Variants in FER observed in about 807,000 individuals in gnomAD.
The protein encoded by FER is tyrosine-protein kinase Fer.
A neutral mutation model predicts 111.0 loss-of-function variants in FER; 63 were observed. The observed-to-expected ratio is 0.57, with a 90% CI of 0.46 to 0.70. FER has a LOEUF of 0.70. Among genes scored for constraint, FER ranks in the 30% least tolerant of loss-of-function variants. The probability of loss-of-function intolerance (pLI) is 0.00; values close to 1 mark genes in which losing one functional copy is unlikely to be tolerated. For missense variants in FER, 914 were observed against 954.0 expected (o/e 0.96, Z 0.55); for synonymous variants, 327 against 313.9 (o/e 1.04, Z -0.44).
intron 5 of FER, among the ~76,000 whole-genome samples, chr5:108,840,540 C>A (rs1486525571): frequency 6.8e-6 from 1 of 147,684 alleles, no homozygotes; most frequent in Non-Finnish European, 1.5e-5. Flanking sequence ...TTTTTTTTTT[C>A]TGGAGTCCAG....
chr5:109,021,939 G>T (rs547335164), intron 13 of FER, among the ~76,000 whole-genome samples: 1 of 152,184 alleles, frequency 6.6e-6, no homozygotes, highest in East Asian at 1.9e-4. Flanking sequence ...AGAGGGAGAA[G>T]ATAGAGAAAG....
intron 10 of FER, among the ~76,000 whole-genome samples, chr5:108,907,722 A>G (rs1750992106): frequency 6.6e-6 from 1 of 152,194 alleles, no homozygotes; most frequent in African/African-American, 2.4e-5. Context: ...GATTAACAAG[A>G]AAACATCAGA....
intron 14 of FER, among the ~76,000 whole-genome samples, chr5:109,038,163 T>C (rs1770657130): frequency 6.6e-6 from 1 of 152,072 alleles, no homozygotes; most frequent in East Asian, 1.9e-4. Flanking sequence ...ATTTGAAAAT[T>C]TATTAATAAC....
At chr5:108,811,229 C>A (rs1478971869) in intron 3 of FER, among the ~76,000 whole-genome samples, 1 of 151,994 alleles carries the variant, frequency 6.6e-6, no homozygotes, top group African/African-American at 2.4e-5. Context: ...TGGGGCAGGT[C>A]ATGCTGCTGA....
chr5:108,755,558 T>C (rs1309392608), intron 1 of FER, among the ~76,000 whole-genome samples: 1 of 152,114 alleles, frequency 6.6e-6, no homozygotes, highest in African/African-American at 2.4e-5. Flanking sequence ...CAATCTCGGC[T>C]CACCGCAACC....
rs568117100 is a variant in FER at position 109,133,790 on chromosome 5, C to G, written c.2048+33271C>G. On this transcript the variant is annotated intron_variant, in intron 17 of 19. Coordinates refer to ENST00000281092, the MANE Select transcript of FER (RefSeq NM_005246.4). ...AGTTTCTCTTTAGTGTCTGCCATTT[C>G]CAGCATTCTTTTAAAGCCTATAAAC... 6.3e-4 allele frequency among the ~76,000 whole-genome samples: 96 copies of G among 151,954 alleles called. 2 individuals are homozygous for G. The highest frequency in any genetic ancestry group is 2.1e-3 in the African/African-American group (86 of 41,450).
intron 9 of FER, among the ~76,000 whole-genome samples, chr5:108,889,625 T>G (rs981734764): frequency 1.3e-5 from 2 of 151,914 alleles, no homozygotes; most frequent in African/African-American, 4.8e-5. Context: ...CTGTAGTCAA[T>G]AATAATTTAA....
intron 13 of FER, among the ~76,000 whole-genome samples, chr5:109,011,212 C>T (rs1208186703): frequency 7.2e-5 from 11 of 151,776 alleles, no homozygotes; most frequent in Admixed American, 7.2e-4. Flanking sequence ...TCTTCTAAGA[C>T]TTAAAAAGTG....
At chr5:109,180,982 G>A (rs1409093740) in intron 18 of FER, 81 bp downstream of exon 18, 8 of 1,173,542 alleles carry the variant, frequency 6.8e-6, no homozygotes, top group South Asian at 3.7e-5. Context: ...TATTTACAGG[G>A]GTAGCACAGA....
chr5:108,788,442 C>T (rs573531992), intron 2 of FER, among the ~76,000 whole-genome samples: 22 of 152,010 alleles, frequency 1.4e-4, no homozygotes, highest in African/African-American at 3.6e-4. Flanking sequence ...ATGAGTTCAG[C>T]GGGCACAAGT....
chr5:109,003,472 G>T (rs1164030332), intron 13 of FER, among the ~76,000 whole-genome samples: 1 of 152,124 alleles, frequency 6.6e-6, no homozygotes, highest in Non-Finnish European at 1.5e-5. Context: ...GTTGTGGGTT[G>T]GGAGGAGCGG....
intron 3 of FER, among the ~76,000 whole-genome samples, chr5:108,806,403 G>T (rs1200475581): frequency 6.6e-6 from 1 of 152,218 alleles, no homozygotes; most frequent in Admixed American, 6.5e-5. Flanking sequence ...CCCTACTGGG[G>T]CACCACCTAG....
At chr5:109,123,475 T>A (rs1751277192) in intron 17 of FER, among the ~76,000 whole-genome samples, 1 of 151,846 alleles carries the variant, frequency 6.6e-6, no homozygotes, top group Non-Finnish European at 1.5e-5. Context: ...GTTGGTTTTT[T>A]TTTAGTGAAG....
chr5:109,175,576 A>T (rs929889017), intron 17 of FER, among the ~76,000 whole-genome samples: 41 of 152,378 alleles, frequency 2.7e-4, no homozygotes, highest in African/African-American at 9.6e-4. Context: ...AGCTCAGGCA[A>T]CTAAAACAAA....
chr5:109,051,753 A>G, intron 16 of FER: 2 of 1,568,986 alleles, frequency 1.3e-6, no homozygotes, highest in Non-Finnish European at 1.8e-6. Context: ...CCCAATCCTT[A>G]ACGCCCTTGA....
chr5:109,051,326 C>A, intron 16 of FER: 1 of 1,594,916 alleles, frequency 6.3e-7, no homozygotes, highest in African/African-American at 1.3e-5. Context: ...ATCTCCAGGT[C>A]ATCAGGCTGA....
At position 108,832,752 on chromosome 5, in the gene FER, T is replaced by TC; in HGVS notation, c.208-18_208-17insC. Reference sequence around the variant, plus strand: ...ACCTTTAATGCAAATGTTTGTTTCTTTTTTTTTTTTTTTTAAGTCTTGGCT... The same window carrying TC: ...ACCTTTAATGCAAATGTTTGTTTCTTCTTTTTTTTTTTTTTAAGTCTTGGCT... On this transcript the variant is annotated splice_polypyrimidine_tract_variant and intron_variant, in intron 3 of 19. Coordinates refer to ENST00000281092, the MANE Select transcript of FER (RefSeq NM_005246.4). 1.4e-6 allele frequency: 1 copy of TC among 735,866 alleles called. No individual in the cohort carries two copies. The highest frequency in any genetic ancestry group is 1.8e-6 in the Non-Finnish European group (1 of 540,730). The allele number at this position is 735,866 out of a possible 1,614,324, so 45.6% of individuals were successfully genotyped here.
At chr5:109,025,975 G>A (rs73211599) in intron 13 of FER, among the ~76,000 whole-genome samples, 1,982 of 152,204 alleles carry the variant, frequency 0.013, 39 homozygotes, top group African/African-American at 0.044. Flanking sequence ...CCTTTGGAGG[G>A]CATAACTGTT....
At chr5:109,185,616 G>A (rs984835670) in intron 18 of FER, among the ~76,000 whole-genome samples, 2 of 151,852 alleles carry the variant, frequency 1.3e-5, no homozygotes, top group African/African-American at 4.8e-5. Context: ...TTGCACACTG[G>A]CTGAATATTT....
Sources: allele counts gnomAD v4.1 joint callset (sites outside exome capture counted in the v4.1 genomes callset), GRCh38; gene constraint gnomAD v4.1.1; transcripts MANE v1.5; gene names NCBI Gene and HGNC (gene_info 2026-07-23, HGNC 2026-07-21).